STAG1: variants seen among roughly 807,000 people sequenced by gnomAD.
The protein encoded by STAG1 is cohesin subunit SA-1.
STAG1 carries 26 observed loss-of-function variants against 170.9 expected under a neutral mutation model. That is an observed-to-expected ratio of 0.15 (90% CI 0.11 to 0.21). STAG1 has a LOEUF of 0.21. Among genes scored for constraint, STAG1 ranks in the 10% least tolerant of loss-of-function variants. The pLI is 1.00. For synonymous variants in STAG1, 514 were observed against 497.7 expected, an observed-to-expected ratio of 1.03 and a Z score of -0.44; for missense variants, 964 against 1,509.5, an observed-to-expected ratio of 0.64 and a Z score of 5.99.
At chr3:136,690,056 C>CAAAAAAAAAAAAAAAAAACA (rs1942669182) in intron 1 of STAG1, among the ~76,000 whole-genome samples, 1 of 56,406 alleles carries the variant, frequency 1.8e-5, no homozygotes. Context: ...AAAAGCAAAC[C>CAAAAAAAAAAAAAAAAAACA]AAAAAAAAAA....
intron 1 of STAG1, among the ~76,000 whole-genome samples, chr3:136,707,815 G>C (rs1267537639): frequency 6.6e-6 from 1 of 152,200 alleles, no homozygotes; most frequent in African/African-American, 2.4e-5. Flanking sequence ...ACTCACTACA[G>C]TGAGAACAGC....
At chr3:136,356,987 A>G (rs111841683) in intron 28 of STAG1, among the ~76,000 whole-genome samples, 7 of 151,552 alleles carry the variant, frequency 4.6e-5, no homozygotes, top group African/African-American at 1.5e-4. Flanking sequence ...TCGCTCTGTC[A>G]CCCAGGCTGG....
intron 1 of STAG1, among the ~76,000 whole-genome samples, chr3:136,650,831 T>G (rs751236264): frequency 2.6e-4 from 40 of 151,824 alleles, no homozygotes; most frequent in Non-Finnish European, 4.6e-4. Context: ...CTGGTAGCCC[T>G]GAGCAGTTCA....
chr3:136,442,295 G>C (rs371914437), intron 15 of STAG1, among the ~76,000 whole-genome samples: 1 of 152,204 alleles, frequency 6.6e-6, no homozygotes, highest in South Asian at 2.1e-4. Context: ...TAAAGCTGTT[G>C]TATGAATTAA....
At chr3:136,689,361 C>T (rs1309514103) in intron 1 of STAG1, among the ~76,000 whole-genome samples, 1 of 152,130 alleles carries the variant, frequency 6.6e-6, no homozygotes, top group African/African-American at 2.4e-5. Flanking sequence ...GAATAAATGG[C>T]ATAATAAGCC....
intron 9 of STAG1, 121 bp from the exon 10 acceptor site, chr3:136,477,533 G>T (rs962884053): frequency 1.2e-6 from 1 of 807,682 alleles, no homozygotes; most frequent in Non-Finnish European, 1.8e-6. Context: ...ATTCTGAATG[G>T]CCTCCAACTT....
In STAG1 at chr3:136,377,386, C is replaced by CAA. The variant is rs57934830; in HGVS notation, c.2370+272_2370+273dup. Among the ~76,000 whole-genome samples, 63 of 42,570 alleles carry CAA rather than the reference C, an allele frequency of 1.5e-3. 1 individual carries two copies. Among genetic ancestry groups the CAA allele is most frequent in the East Asian group, 7.9e-3 (13 of 1,642 alleles). 27.9% of individuals were successfully genotyped at this position (42,570 alleles called of 152,430 possible). Reference sequence around the variant, plus strand: ...TGGGCGACAGAGCGAGACTCTGTCTCAAAAAAAAAAAAAAAAAAAGTCTAC... The same window carrying CAA: ...TGGGCGACAGAGCGAGACTCTGTCTCAAAAAAAAAAAAAAAAAAAAAGTCTAC... On this transcript the variant is annotated intron_variant, in intron 23 of 33. Transcript: ENST00000383202.
intron 1 of STAG1, among the ~76,000 whole-genome samples, chr3:136,633,994 A>C (rs1433881765): frequency 7.0e-6 from 1 of 143,018 alleles, no homozygotes; most frequent in African/African-American, 2.6e-5. Context: ...AAAAAAAATT[A>C]GCCAGGCATG....
intron 9 of STAG1, among the ~76,000 whole-genome samples, chr3:136,491,569 T>G (rs1230085526): frequency 6.6e-6 from 1 of 152,216 alleles, no homozygotes; most frequent in East Asian, 1.9e-4. Flanking sequence ...AACTGATCAT[T>G]TGGTCTGAAG....
intron 5 of STAG1, among the ~76,000 whole-genome samples, chr3:136,544,886 C>T (rs1259348808): frequency 1.3e-5 from 2 of 152,116 alleles, no homozygotes; most frequent in Non-Finnish European, 2.9e-5. Context: ...TTCCAAATAG[C>T]AGATGCTTTC....
intron 9 of STAG1, among the ~76,000 whole-genome samples, chr3:136,478,664 A>G (rs546381148): frequency 2.8e-4 from 43 of 152,258 alleles, no homozygotes; most frequent in Middle Eastern, 3.4e-3. Flanking sequence ...CCTTGCTCTA[A>G]TAAGTCTCAG....
chr3:136,487,241 G>A (rs916448997), intron 9 of STAG1, among the ~76,000 whole-genome samples: 1 of 152,024 alleles, frequency 6.6e-6, no homozygotes, highest in South Asian at 2.1e-4. Context: ...TTGGTTTTCT[G>A]TTCCTGTGTT....
At chr3:136,417,215 G>A (rs1356886547) in intron 21 of STAG1, among the ~76,000 whole-genome samples, 3 of 151,970 alleles carry the variant, frequency 2.0e-5, no homozygotes, top group Non-Finnish European at 1.5e-5. Context: ...AGAGTAATAA[G>A]GTATCATCTA....
rs151192515 is a variant in STAG1, at chr3:136,749,470, G to A, written c.-84+2725C>T. On this transcript the variant is annotated intron_variant, in intron 1 of 33. Coordinates refer to ENST00000383202, the MANE Select transcript of STAG1 (RefSeq NM_005862.3). ...GTGACCTTGAAAGACAACTCTGGCC[G>A]GGCACAGTGGCTCACAACTGTAATC... 3.9e-3 allele frequency among the ~76,000 whole-genome samples: 590 copies of A among 152,248 alleles called. 3 individuals are homozygous for A. Among genetic ancestry groups the A allele is most frequent in the Non-Finnish European group, 6.6e-3 (452 of 68,018 alleles).
chr3:136,619,188 A>G (rs932036764), intron 3 of STAG1, among the ~76,000 whole-genome samples: 2 of 151,770 alleles, frequency 1.3e-5, no homozygotes, highest in African/African-American at 4.8e-5. Context: ...TTTCAAAATG[A>G]AAAATTTTTT....
At chr3:136,369,472 T>TC (rs1937208390) in intron 23 of STAG1, among the ~76,000 whole-genome samples, 190 bp from the exon 24 acceptor site, 1 of 152,196 alleles carries the variant, frequency 6.6e-6, no homozygotes, top group African/African-American at 2.4e-5. Context: ...TAAACAAGTG[T>TC]CATATTTAAG....
chr3:136,376,397 C>A (rs145789384), intron 23 of STAG1, among the ~76,000 whole-genome samples: 1 of 151,778 alleles, frequency 6.6e-6, no homozygotes, highest in African/African-American at 2.4e-5. Context: ...CCCACCCTGA[C>A]CCTCTTTGGG....
intron 2 of STAG1, among the ~76,000 whole-genome samples, chr3:136,625,619 AATG>A (rs1266990289): frequency 6.6e-6 from 1 of 152,184 alleles, no homozygotes; most frequent in African/African-American, 2.4e-5. Flanking sequence ...GAATTGATAG[AATG>A]ATATCAGTCT....
intron 6 of STAG1, among the ~76,000 whole-genome samples, chr3:136,522,250 G>A (rs973595994): frequency 2.6e-5 from 4 of 152,170 alleles, no homozygotes; most frequent in Admixed American, 2.0e-4. Flanking sequence ...GAGCTCTACT[G>A]GAGTCATAGG....
Sources: allele counts gnomAD v4.1 joint callset (sites outside exome capture counted in the v4.1 genomes callset), GRCh38; gene constraint gnomAD v4.1.1; transcripts MANE v1.5; gene names NCBI Gene and HGNC (gene_info 2026-07-23, HGNC 2026-07-21).